The following ANTXR1 variants were observed in gnomAD, a reference collection of about 807,000 sequenced individuals.
ANTXR1 encodes the protein ANTXR cell adhesion molecule 1.
In ANTXR1, 19 loss-of-function variants were observed where a neutral mutation model predicts 78.1. The observed-to-expected ratio is 0.24, with a 90% CI of 0.17 to 0.36. The LOEUF (loss-of-function observed/expected upper bound fraction) is 0.36. ANTXR1 is among the 10% of genes least tolerant of loss of function. ANTXR1 has a pLI of 1.00. For missense variants in ANTXR1, 518 were observed against 718.6 expected (o/e 0.72, Z 3.19); for synonymous variants, 273 against 260.5 (o/e 1.05, Z -0.46).
intron 10 of ANTXR1, among the ~76,000 whole-genome samples, chr2:69,120,423 T>G (rs1672307571): frequency 6.6e-6 from 1 of 152,146 alleles, no homozygotes; most frequent in South Asian, 2.1e-4. Context: ...CCCAGCACTT[T>G]GGGAGGCCGA....
At chr2:69,123,600 C>G (rs985292120) in intron 11 of ANTXR1, among the ~76,000 whole-genome samples, 2 of 152,222 alleles carry the variant, frequency 1.3e-5, no homozygotes, top group Non-Finnish European at 2.9e-5. Flanking sequence ...ATGTCCCACA[C>G]GGTGCTCCTT....
chr2:69,152,207 G>A lies in ANTXR1; in HGVS notation c.990G>A (p.Leu330=), dbSNP rs138039043. Reference sequence around the variant, plus strand: ...TCCTGGCCATCGCCCTGCTGATCCTGTTCCTGCTCCTAGCCCTGGCTCTCC... The same window carrying A: ...TCCTGGCCATCGCCCTGCTGATCCTATTCCTGCTCCTAGCCCTGGCTCTCC... ...GSILAIALLI[L]FLLLALALLW... is the part of the protein sequence containing the mutation. Residue 330 remains leucine (L), a synonymous_variant, in exon 13 of 18, where the codon CTG becomes CTA. Transcript: ENST00000303714. 22 of 1,614,020 alleles carry A rather than the reference G, an allele frequency of 1.4e-5. No homozygotes were observed. The African/African-American group carries it at 2.7e-4, about 20-fold the overall frequency.
At chr2:69,166,255 T>C (rs576629949) in intron 13 of ANTXR1, among the ~76,000 whole-genome samples, 1 of 152,362 alleles carries the variant, frequency 6.6e-6, no homozygotes. Context: ...CGTCATCAAA[T>C]CTGACCCTAC....
At position 69,122,941 on chromosome 2, in the gene ANTXR1, T is replaced by C. The variant is rs146261384; in HGVS notation, c.803-76T>C. On this transcript the variant is annotated intron_variant, in intron 10 of 17. Coordinates refer to ENST00000303714, the MANE Select transcript of ANTXR1 (RefSeq NM_032208.3). ...TTGGTATCTCCCTGGACTTGGTTGA[T>C]GTTCTCTAGAAGTCATTGAATTTGA... 2.4e-4 allele frequency: 353 copies of C among 1,486,658 alleles called. 4 individuals are homozygous for C. The East Asian group carries it at 7.9e-3, about 33-fold the overall frequency. 92.1% of individuals were successfully genotyped at this position (1,486,658 alleles called of 1,614,324 possible).
At chr2:69,094,238 T>C (rs976435647) in intron 9 of ANTXR1, among the ~76,000 whole-genome samples, 1 of 152,234 alleles carries the variant, frequency 6.6e-6, no homozygotes, top group African/African-American at 2.4e-5. Flanking sequence ...TAAATTGTTA[T>C]GCAGAACAAG....
intron 12 of ANTXR1, among the ~76,000 whole-genome samples, chr2:69,144,822 C>T (rs1453233784): frequency 6.6e-6 from 1 of 152,226 alleles, no homozygotes; most frequent in African/African-American, 2.4e-5. Flanking sequence ...TGTAGAACTA[C>T]AGCAAACCCA....
At chr2:69,126,032 T>C (rs1238700598) in intron 12 of ANTXR1, among the ~76,000 whole-genome samples, 1 of 152,190 alleles carries the variant, frequency 6.6e-6, no homozygotes, top group Non-Finnish European at 1.5e-5. Context: ...GGAAGCTGTG[T>C]TGTTAGAACC....
intron 17 of ANTXR1, among the ~76,000 whole-genome samples, chr2:69,207,885 TTC>T (rs1214397382): frequency 6.6e-6 from 1 of 152,170 alleles, no homozygotes; most frequent in Non-Finnish European, 1.5e-5. Context: ...GTCAGGTGGT[TTC>T]TCTCTCCCCC....
chr2:69,046,866 T>C (rs1201594482), intron 3 of ANTXR1, among the ~76,000 whole-genome samples: 2 of 152,196 alleles, frequency 1.3e-5, no homozygotes, highest in Non-Finnish European at 2.9e-5. Context: ...ACCTGTATAA[T>C]ACTTGAGAGA....
chr2:69,109,267 T>C (rs1361619712), intron 10 of ANTXR1, among the ~76,000 whole-genome samples: 1 of 152,242 alleles, frequency 6.6e-6, no homozygotes, highest in Non-Finnish European at 1.5e-5. Context: ...TGTTATTAAA[T>C]GGAGCAGTAA....
chr2:69,086,466 G>C (rs1227239902), intron 8 of ANTXR1, among the ~76,000 whole-genome samples: 1 of 152,208 alleles, frequency 6.6e-6, no homozygotes, highest in African/African-American at 2.4e-5. Context: ...AATCCAATGA[G>C]ATGTACAAAA....
intron 8 of ANTXR1, among the ~76,000 whole-genome samples, chr2:69,089,131 A>C (rs1342907762): frequency 6.6e-6 from 1 of 152,190 alleles, no homozygotes; most frequent in East Asian, 1.9e-4. Context: ...CAAATAGGGG[A>C]ATCAAAGTAT....
At chr2:69,182,129 T>C in intron 15 of ANTXR1, 2 of 570,484 alleles carry the variant, frequency 3.5e-6, no homozygotes, top group Non-Finnish European at 6.3e-6. Flanking sequence ...CACTGTGCGT[T>C]TCCATGTCTT....
rs188889516 is a variant in ANTXR1, at chr2:69,079,363, G to C, written c.642+1875G>C. Among the ~76,000 whole-genome samples, 57 of 152,268 alleles carry C rather than the reference G, an allele frequency of 3.7e-4. 1 individual carries two copies. The East Asian group carries it at 0.01, about 27-fold the overall frequency. ...CGATCATGGATCCTTAAGAAGCTCA[G>C]AGGTGGATTATTCTGGGCAGGAGTC... On this transcript the variant is annotated intron_variant, in intron 8 of 17. Transcript: ENST00000303714.
At chr2:69,124,734 G>A in intron 12 of ANTXR1, 91 bp downstream of exon 12, 2 of 1,475,808 alleles carry the variant, frequency 1.4e-6, no homozygotes, top group South Asian at 2.3e-5. Context: ...AAGGTACCCT[G>A]GAAAGTTTTT....
chr2:69,202,239 GA>G (rs1462167006), intron 17 of ANTXR1, among the ~76,000 whole-genome samples: 3 of 152,322 alleles, frequency 2.0e-5, no homozygotes, highest in Non-Finnish European at 4.4e-5. Flanking sequence ...AAGAGAAAGA[GA>G]AGTTGTAAGA....
At chr2:69,114,581 A>G (rs553401480) in intron 10 of ANTXR1, among the ~76,000 whole-genome samples, 3 of 152,292 alleles carry the variant, frequency 2.0e-5, no homozygotes, top group East Asian at 1.9e-4. Flanking sequence ...TCCTTCCAAG[A>G]CTGCCCACAG....
At chr2:69,111,427 T>C (rs909941499) in intron 10 of ANTXR1, among the ~76,000 whole-genome samples, 5 of 152,262 alleles carry the variant, frequency 3.3e-5, no homozygotes, top group African/African-American at 9.6e-5. Flanking sequence ...AAAAACATGC[T>C]AGACTATCCT....
chr2:69,245,774 A>C lies in ANTXR1; in HGVS notation c.*289A>C. ...ACTGCAAGATGCTCTCAACAGGATT[A>C]TGTCTCATGGAGACCAGTAAGAAAA... On this transcript the variant is annotated 3_prime_UTR_variant, in exon 18 of 18. Transcript: ENST00000303714. 1 of 389,184 alleles carries C rather than the reference A, an allele frequency of 2.6e-6. No individual in the cohort carries two copies. The highest frequency in any genetic ancestry group is 4.3e-5 in the Admixed American group (1 of 23,156). 24.1% of individuals were successfully genotyped at this position (389,184 alleles called of 1,614,324 possible). A position where few individuals can be genotyped will look rare whatever the true frequency, so the allele number is the denominator to read the frequency against.
Sources: allele counts gnomAD v4.1 joint callset (sites outside exome capture counted in the v4.1 genomes callset), GRCh38; gene constraint gnomAD v4.1.1; transcripts MANE v1.5; gene names NCBI Gene and HGNC (gene_info 2026-07-23, HGNC 2026-07-21).